The following PPP1R9A variants were observed in gnomAD, a reference collection of about 807,000 sequenced individuals.
PPP1R9A encodes the protein protein phosphatase 1 regulatory subunit 9A.
In PPP1R9A, 59 loss-of-function variants were observed where a neutral mutation model predicts 141.9. The ratio of observed to expected loss-of-function variants is 0.42; its 90% confidence interval spans 0.34 to 0.52. The LOEUF is 0.52. Ranked by LOEUF, PPP1R9A falls within the 20% of genes least tolerant of loss-of-function variation. The probability of loss-of-function intolerance (pLI) is 0.10; values close to 1 mark genes in which losing one functional copy is unlikely to be tolerated. For synonymous variants in PPP1R9A, 500 were observed against 569.7 expected (o/e 0.88, Z 1.74); for missense variants, 1,444 against 1,611.9 (o/e 0.90, Z 1.78).
At chr7:94,997,680 T>C (rs854726) in intron 2 of PPP1R9A, among the ~76,000 whole-genome samples, 91,539 of 152,000 alleles carry the variant, frequency 0.6, 28,523 homozygotes, top group African/African-American at 0.74. Context: ...TTTTCTCCTC[T>C]GTGTATATGT....
At chr7:95,118,617 A>T in intron 3 of PPP1R9A, among the ~76,000 whole-genome samples, 1 of 152,132 alleles carries the variant, frequency 6.6e-6, no homozygotes, top group East Asian at 1.9e-4. Flanking sequence ...GAAATACTTC[A>T]GGCATAAGTT....
chr7:95,247,446 G>A (rs562068103), intron 8 of PPP1R9A, 27 bp from the exon 9 acceptor site: 1 of 1,574,300 alleles, frequency 6.4e-7, no homozygotes, highest in Admixed American at 1.7e-5. Flanking sequence ...TCTTAGTTCA[G>A]ATTTTTTCTT....
chr7:94,980,519 G>C (rs1385673490), intron 2 of PPP1R9A, among the ~76,000 whole-genome samples: 1 of 151,836 alleles, frequency 6.6e-6, no homozygotes, highest in Non-Finnish European at 1.5e-5. Flanking sequence ...GTGTGGTGAC[G>C]CAACCTCCTG....
At chr7:95,073,162 T>G (rs1206679450) in intron 2 of PPP1R9A, among the ~76,000 whole-genome samples, 5 of 150,622 alleles carry the variant, frequency 3.3e-5, no homozygotes, top group African/African-American at 7.3e-5. Context: ...ATTTTTGTAT[T>G]TTTTGTAGAG....
intron 8 of PPP1R9A, among the ~76,000 whole-genome samples, chr7:95,243,240 C>A (rs1042785774): frequency 6.6e-5 from 10 of 152,160 alleles, no homozygotes; most frequent in Non-Finnish European, 7.4e-5. Flanking sequence ...CATCCAGCAG[C>A]AGGTTGCCTC....
At chr7:94,923,438 T>TG (rs1338053856) in intron 2 of PPP1R9A, among the ~76,000 whole-genome samples, 2 of 152,260 alleles carry the variant, frequency 1.3e-5, no homozygotes, top group Admixed American at 6.5e-5. Context: ...TCTGTGAAGG[T>TG]GAGACAGTGG....
chr7:95,090,928 C>A (rs1017170831), intron 2 of PPP1R9A, among the ~76,000 whole-genome samples: 1 of 152,026 alleles, frequency 6.6e-6, no homozygotes, highest in Non-Finnish European at 1.5e-5. Flanking sequence ...AATCTTTTCA[C>A]ATACCAAATA....
intron 2 of PPP1R9A, among the ~76,000 whole-genome samples, chr7:95,072,114 T>A (rs1190925961): frequency 2.0e-5 from 3 of 151,070 alleles, no homozygotes; most frequent in Admixed American, 2.0e-4. Flanking sequence ...ATATGTATAT[T>A]CATGTTAAAT....
At chr7:95,009,668 ATGT>A (rs1271465819) in intron 2 of PPP1R9A, among the ~76,000 whole-genome samples, 3 of 152,292 alleles carry the variant, frequency 2.0e-5, no homozygotes, top group African/African-American at 4.8e-5. Flanking sequence ...TTAGGGCTTA[ATGT>A]TGTTAGCCAA....
chr7:95,164,986 C>T (rs949655246), intron 5 of PPP1R9A, among the ~76,000 whole-genome samples: 2 of 151,962 alleles, frequency 1.3e-5, no homozygotes, highest in Non-Finnish European at 2.9e-5. Context: ...TTGCCCCCTT[C>T]CCCCAAAAAA....
At chr7:95,110,999 G>C (rs1820454643) in intron 2 of PPP1R9A, among the ~76,000 whole-genome samples, 3 of 152,120 alleles carry the variant, frequency 2.0e-5, no homozygotes, top group African/African-American at 7.2e-5. Flanking sequence ...GATAAATATT[G>C]CTATTCACAT....
At chr7:95,035,251 A>C (rs1808277756) in intron 2 of PPP1R9A, among the ~76,000 whole-genome samples, 1 of 152,224 alleles carries the variant, frequency 6.6e-6, no homozygotes, top group Non-Finnish European at 1.5e-5. Context: ...ATTCAAATTA[A>C]TTAAAAATAT....
intron 2 of PPP1R9A, among the ~76,000 whole-genome samples, chr7:95,034,759 T>C (rs1808212625): frequency 6.6e-6 from 1 of 152,226 alleles, no homozygotes; most frequent in Admixed American, 6.5e-5. Context: ...TTCAGAATTA[T>C]GGAATATTCT....
chr7:95,264,599 T>TTGAAAATAGTCTTAAAATGCA (rs1453690630), intron 12 of PPP1R9A, among the ~76,000 whole-genome samples: 1 of 152,202 alleles, frequency 6.6e-6, no homozygotes, highest in Non-Finnish European at 1.5e-5. Flanking sequence ...TGTAGCAGTA[T>TTGAAAATAGTCTTAAAATGCA]TGAAAATAGT....
intron 5 of PPP1R9A, among the ~76,000 whole-genome samples, chr7:95,181,605 C>T (rs1215628000): frequency 7.5e-6 from 1 of 133,972 alleles, no homozygotes; most frequent in Non-Finnish European, 1.5e-5. Context: ...TATATATATT[C>T]TGTCACACAT....
intron 2 of PPP1R9A, among the ~76,000 whole-genome samples, chr7:94,981,874 T>C (rs1162448817): frequency 6.6e-6 from 1 of 152,148 alleles, no homozygotes; most frequent in Non-Finnish European, 1.5e-5. Context: ...GTGCACAATG[T>C]GCAGGTTTGT....
intron 2 of PPP1R9A, among the ~76,000 whole-genome samples, chr7:94,948,990 C>G (rs1796178661): frequency 6.6e-6 from 1 of 152,144 alleles, no homozygotes. Flanking sequence ...CCAAGCATGG[C>G]CTAATGTTTT....
In PPP1R9A at chr7:95,286,194, T is replaced by C; in HGVS notation, c.3610-12T>C. ...GCACTCATTTAACACTGAGCTTCAT[T>C]TATTTTTACAGAATTTTACCTTCAA... On this transcript the variant is annotated splice_polypyrimidine_tract_variant and intron_variant, in intron 17 of 19. Transcript: ENST00000433360. 6.2e-7 allele frequency: 1 copy of C among 1,612,114 alleles called. No individual in the cohort carries two copies. The highest frequency in any genetic ancestry group is 8.5e-7 in the Non-Finnish European group (1 of 1,178,674).
At chr7:95,075,014 T>G (rs954562140) in intron 2 of PPP1R9A, among the ~76,000 whole-genome samples, 14 of 152,226 alleles carry the variant, frequency 9.2e-5, no homozygotes, top group African/African-American at 3.4e-4. Flanking sequence ...TCCATGTAAT[T>G]GGTTCATTTT....
Sources: allele counts gnomAD v4.1 joint callset (sites outside exome capture counted in the v4.1 genomes callset), GRCh38; gene constraint gnomAD v4.1.1; transcripts MANE v1.5; gene names NCBI Gene and HGNC (gene_info 2026-07-23, HGNC 2026-07-21).